The following SEMA6D variants were observed in gnomAD, a reference collection of about 807,000 sequenced individuals.
The protein encoded by SEMA6D is semaphorin 6D.
A neutral mutation model predicts 106.6 loss-of-function variants in SEMA6D; 35 were observed. That is an observed-to-expected ratio of 0.33 (90% CI 0.25 to 0.44). The LOEUF (loss-of-function observed/expected upper bound fraction) is 0.44, where lower values mean the gene tolerates loss of function less well. SEMA6D is among the 20% of genes least tolerant of loss of function. SEMA6D has a pLI of 1.00. For synonymous variants in SEMA6D, 499 were observed against 487.7 expected, an observed-to-expected ratio of 1.02 and a Z score of -0.31; for missense variants, 1,185 against 1,345.9, an observed-to-expected ratio of 0.88 and a Z score of 1.87.
At chr15:47,243,255 C>T (rs1016648552) in intron 1 of SEMA6D, among the ~76,000 whole-genome samples, 1 of 152,072 alleles carries the variant, frequency 6.6e-6, no homozygotes. Flanking sequence ...TGCGCATACC[C>T]AGACTTCACT....
At chr15:47,284,050 T>C (rs571500277) in intron 1 of SEMA6D, among the ~76,000 whole-genome samples, 1 of 152,230 alleles carries the variant, frequency 6.6e-6, no homozygotes, top group East Asian at 1.9e-4. Context: ...GCCGAGATCC[T>C]AGGAATCCCA....
At chr15:47,450,734 A>G (rs1201716607) in intron 2 of SEMA6D, among the ~76,000 whole-genome samples, 1 of 152,136 alleles carries the variant, frequency 6.6e-6, no homozygotes, top group Non-Finnish European at 1.5e-5. Flanking sequence ...AATATTGAGC[A>G]CAAAGGTACA....
At chr15:47,494,242 C>T (rs997316448) in intron 3 of SEMA6D, among the ~76,000 whole-genome samples, 5 of 152,080 alleles carry the variant, frequency 3.3e-5, no homozygotes, top group African/African-American at 1.2e-4. Flanking sequence ...TTACTATAAA[C>T]AGCAACGGTG....
At chr15:47,621,920 A>G (rs570403899) in intron 4 of SEMA6D, among the ~76,000 whole-genome samples, 3 of 152,298 alleles carry the variant, frequency 2.0e-5, no homozygotes, top group Non-Finnish European at 2.9e-5. Context: ...CTTCAAGCAC[A>G]ACACTTTAAC....
intron 1 of SEMA6D, among the ~76,000 whole-genome samples, chr15:47,757,035 T>A (rs2081791188): frequency 6.6e-6 from 1 of 151,902 alleles, no homozygotes; most frequent in South Asian, 2.1e-4. Flanking sequence ...GTCAGATGAA[T>A]GAGTTATAGG....
At chr15:47,640,150 TAA>T (rs2144705727) in intron 4 of SEMA6D, among the ~76,000 whole-genome samples, 1 of 152,254 alleles carries the variant, frequency 6.6e-6, no homozygotes, top group East Asian at 1.9e-4. Flanking sequence ...CTCTATAAAA[TAA>T]AGTCTATATT....
At chr15:47,268,596 G>T (rs2034426122) in intron 1 of SEMA6D, among the ~76,000 whole-genome samples, 1 of 152,134 alleles carries the variant, frequency 6.6e-6, no homozygotes, top group African/African-American at 2.4e-5. Context: ...CTCTGTGTAT[G>T]TTGTCCTTGG....
intron 3 of SEMA6D, among the ~76,000 whole-genome samples, chr15:47,517,898 C>T (rs2044440107): frequency 6.6e-6 from 1 of 152,176 alleles, no homozygotes; most frequent in African/African-American, 2.4e-5. Flanking sequence ...TGGCTTCATG[C>T]TTTTCTCCCC....
At position 47,338,413 on chromosome 15, in the gene SEMA6D, G is replaced by T. The variant is rs1209178347; in HGVS notation, c.-238-73980G>T. Among the ~76,000 whole-genome samples the T allele has an allele frequency of 4.9e-4, 74 of 152,058 alleles. 1 individual carries two copies. The highest frequency in any genetic ancestry group is 8.8e-5 in the Non-Finnish European group (6 of 68,010). On this transcript the variant is annotated intron_variant, in intron 1 of 19. Transcript: ENST00000558014. Reference sequence around the variant, plus strand: ...ATTGAAGGGGATAAATGCTTGAGGGGATGGATACTCCATTCTCCAGGATGT... The same window carrying T: ...ATTGAAGGGGATAAATGCTTGAGGGTATGGATACTCCATTCTCCAGGATGT...
intron 15 of SEMA6D, 40 bp downstream of exon 15, chr15:47,766,222 T>C: frequency 1.3e-6 from 2 of 1,531,126 alleles, no homozygotes; most frequent in South Asian, 2.3e-5. Flanking sequence ...TGAACTATCC[T>C]CTCCAGGGTC....
Position 47,771,227 on chromosome 15 carries a change from C to A in SEMA6D, c.2664C>A (p.Asp888Glu). 1 of 1,614,062 alleles carries A rather than the reference C, an allele frequency of 6.2e-7. No individual in the cohort carries two copies. The highest frequency in any genetic ancestry group is 1.1e-5 in the South Asian group (1 of 91,076). ...ATGATCTCCTGAAGCATCTGAATGA[C>A]CCAAATAGTAACCCCAAAGCCATCA... ...TLNDLLKHLN[D>E]PNSNPKAIMG... The change falls in exon 19 of 19, where the codon GAC (aspartate) becomes GAA (glutamate). Residue 888 changes from aspartate (D) to glutamate (E), a missense_variant. Coordinates refer to ENST00000536845, the MANE Select transcript of SEMA6D (RefSeq NM_001358351.3).
At chr15:47,545,876 T>G (rs1223912693) in intron 3 of SEMA6D, among the ~76,000 whole-genome samples, 1 of 152,100 alleles carries the variant, frequency 6.6e-6, no homozygotes, top group African/African-American at 2.4e-5. Flanking sequence ...GCCCTCCTTA[T>G]CATTTTTCCT....
chr15:47,701,419 G>A (rs1596679952), intron 4 of SEMA6D, among the ~76,000 whole-genome samples: 1 of 152,128 alleles, frequency 6.6e-6, no homozygotes, highest in East Asian at 1.9e-4. Context: ...TTAGATAGGA[G>A]GAATACGTTC....
intron 1 of SEMA6D, among the ~76,000 whole-genome samples, chr15:47,402,650 T>TA (rs2040433840): frequency 6.6e-6 from 1 of 152,172 alleles, no homozygotes; most frequent in Non-Finnish European, 1.5e-5. Context: ...CCCTCCAGCA[T>TA]TGTACGTATA....
chr15:47,706,477 A>T lies in SEMA6D; in HGVS notation c.-54-53268A>T, dbSNP rs1157476194. On this transcript the variant is annotated intron_variant, in intron 4 of 19. Transcript: ENST00000558014. ...TTCTATGTAAGTTGAAATGGTTTGCATGAAATTGACAAATACTTATATCTG... is the reference window on the plus strand; with the variant it reads ...TTCTATGTAAGTTGAAATGGTTTGCTTGAAATTGACAAATACTTATATCTG... Among the ~76,000 whole-genome samples the T allele has an allele frequency of 2.0e-5, 3 of 152,234 alleles. No individual in the cohort carries two copies. In the East Asian group the frequency reaches 5.8e-4, roughly 29 times the overall value.
intron 2 of SEMA6D, among the ~76,000 whole-genome samples, chr15:47,469,726 C>T (rs1401991658): frequency 3.3e-5 from 5 of 152,108 alleles, no homozygotes; most frequent in Non-Finnish European, 7.4e-5. Context: ...TCCAATCTCC[C>T]AGGTATGCTT....
intron 3 of SEMA6D, among the ~76,000 whole-genome samples, chr15:47,585,676 A>C (rs1252031658): frequency 6.6e-6 from 1 of 152,248 alleles, no homozygotes; most frequent in African/African-American, 2.4e-5. Flanking sequence ...AACACATATT[A>C]TTTATGTCAA....
intron 1 of SEMA6D, among the ~76,000 whole-genome samples, chr15:47,745,283 G>A (rs566889708): frequency 2.8e-4 from 42 of 152,224 alleles, no homozygotes; most frequent in African/African-American, 4.3e-4. Flanking sequence ...AACTCCTTCC[G>A]TCCTCAGCAA....
chr15:47,241,837 C>G (rs2032928837), intron 1 of SEMA6D, among the ~76,000 whole-genome samples: 1 of 152,026 alleles, frequency 6.6e-6, no homozygotes, highest in Non-Finnish European at 1.5e-5. Flanking sequence ...AAGAACTTAC[C>G]TAGCTGAATG....
Sources: allele counts gnomAD v4.1 joint callset (sites outside exome capture counted in the v4.1 genomes callset), GRCh38; gene constraint gnomAD v4.1.1; transcripts MANE v1.5; gene names NCBI Gene and HGNC (gene_info 2026-07-23, HGNC 2026-07-21).